SSH1: variants seen among roughly 807,000 people sequenced by gnomAD.
SSH1 encodes protein phosphatase Slingshot homolog 1.
Under a neutral mutation model 79.7 loss-of-function variants are expected in SSH1, and 43 were observed. The observed-to-expected ratio is 0.54, with a 90% CI of 0.42 to 0.70. SSH1 has a LOEUF of 0.70. SSH1 is among the 30% of genes least tolerant of loss of function. SSH1 has a pLI of 0.00. For synonymous variants in SSH1, 599 were observed against 538.3 expected, an observed-to-expected ratio of 1.11 and a Z score of -1.56; for missense variants, 1,206 against 1,358.8, an observed-to-expected ratio of 0.89 and a Z score of 1.77.
Position 108,778,812 on chromosome 12 carries a change from T to C in SSH1, c.*9176A>G, listed in dbSNP as rs1288448135. The C allele has an allele frequency of 1.3e-5, 2 of 152,572 alleles. No homozygotes were observed. Among genetic ancestry groups the C allele is most frequent in the African/African-American group, 4.8e-5 (2 of 41,418 alleles). 9.5% of individuals were successfully genotyped at this position (152,572 alleles called of 1,614,324 possible). A position where few individuals can be genotyped will look rare whatever the true frequency, so the allele number is the denominator to read the frequency against. On this transcript the variant is annotated 3_prime_UTR_variant, in exon 15 of 15. Transcript: ENST00000326495. ...ATTTGTCTTTTTAAAATCTTTTATT[T>C]TTATTTGTTTTTGAGACACGGTCTT...
rs1352773038 is a variant in SSH1 at position 108,792,372 on chromosome 12, GCCC to G, written c.1804_1806del (p.Gly602del). On this transcript the variant is annotated inframe_deletion, in exon 14 of 15. Coordinates refer to ENST00000326495, the MANE Select transcript of SSH1 (RefSeq NM_018984.4). ...TTTTGATCGAGCTGGGTTGGAAGCTGCCCCCACCTCCCTGCTCCCAGGCCCTCC... is the reference window on the plus strand; with the variant it reads ...TTTTGATCGAGCTGGGTTGGAAGCTGCCACCTCCCTGCTCCCAGGCCCTCC... 3 of 1,614,060 alleles carry G rather than the reference GCCC, an allele frequency of 1.9e-6. No homozygotes were observed. The highest frequency in any genetic ancestry group is 1.7e-5 in the Admixed American group (1 of 60,004).
At chr12:108,855,294 T>C (rs938784047) in intron 1 of SSH1, among the ~76,000 whole-genome samples, 14 of 152,078 alleles carry the variant, frequency 9.2e-5, no homozygotes, top group Admixed American at 7.2e-4. Context: ...AGCAAATCCA[T>C]AGATACAGAA....
At chr12:108,848,190 G>A in intron 2 of SSH1, among the ~76,000 whole-genome samples, 1 of 152,142 alleles carries the variant, frequency 6.6e-6, no homozygotes, top group East Asian at 1.9e-4. Flanking sequence ...TGGGTCTGAG[G>A]TGTTCCTCTG....
At chr12:108,809,594 C>T (rs1821091000) in intron 7 of SSH1, 99 bp downstream of exon 7, 1 of 1,004,942 alleles carries the variant, frequency 1.0e-6, no homozygotes, top group Non-Finnish European at 1.6e-6. Context: ...TCAACATGCA[C>T]ATACGTAACG....
At position 108,780,217 on chromosome 12, in the gene SSH1, G is replaced by A. The variant is rs775346696; in HGVS notation, c.*7771C>T. 6.6e-6 allele frequency: 1 copy of A among 152,100 alleles called. No homozygotes were observed. The highest frequency in any genetic ancestry group is 2.4e-5 in the African/African-American group (1 of 41,380). The allele number at this position is 152,100 out of a possible 1,614,324, so 9.4% of individuals were successfully genotyped here. On this transcript the variant is annotated 3_prime_UTR_variant, in exon 15 of 15. Coordinates refer to ENST00000326495, the MANE Select transcript of SSH1 (RefSeq NM_018984.4). ...CTGTGCTGCCTTTGGAGCCTCTCCC[G>A]AACATCTTGCCAAGAGGGGGTTCCC...
intron 8 of SSH1, among the ~76,000 whole-genome samples, chr12:108,806,807 C>T (rs986322193): frequency 2.6e-5 from 4 of 152,176 alleles, no homozygotes; most frequent in African/African-American, 9.6e-5. Context: ...TCCTCAGAAT[C>T]AAAATCTGGG....
chr12:108,819,001 G>C (rs777533777), intron 3 of SSH1, among the ~76,000 whole-genome samples: 1 of 152,038 alleles, frequency 6.6e-6, no homozygotes, highest in Non-Finnish European at 1.5e-5. Context: ...TGATCTGCAC[G>C]CCTCAGCCTC....
At chr12:108,793,218 G>A (rs2036593260) in intron 13 of SSH1, among the ~76,000 whole-genome samples, 1 of 152,098 alleles carries the variant, frequency 6.6e-6, no homozygotes, top group Non-Finnish European at 1.5e-5. Context: ...TATATTGTAG[G>A]GAAATGAAGG....
At chr12:108,820,489 CCT>C (rs1401782736) in intron 3 of SSH1, among the ~76,000 whole-genome samples, 4 of 152,298 alleles carry the variant, frequency 2.6e-5, no homozygotes, top group Admixed American at 6.5e-5. Flanking sequence ...AAAACAAACC[CCT>C]GTCTGATAAA....
chr12:108,809,758 A>G lies in SSH1; in HGVS notation c.471T>C (p.Gly157=). The G allele has an allele frequency of 6.2e-7, 1 of 1,613,692 alleles. No individual in the cohort carries two copies. The highest frequency in any genetic ancestry group is 8.5e-7 in the Non-Finnish European group (1 of 1,179,626). The change falls in exon 7 of 15, where the codon GGT becomes GGC. Residue 157 remains glycine, a splice_region_variant and synonymous_variant. Coordinates refer to ENST00000326495, the MANE Select transcript of SSH1 (RefSeq NM_018984.4). ...SDTKIHLDGD[G]GFSVSTAGRM... is the part of the protein sequence containing the mutation. ...TTCCTGCTGTGCTCACGCTGAACCC[A>G]CTGAGAATAAAACACAGAGAGAAAG...
Position 108,800,818 on chromosome 12 carries a change from G to A in SSH1, c.1110C>T (p.Ala370=). The change falls in exon 12 of 15, where the codon GCC becomes GCT. Residue 370 remains alanine (A), a synonymous_variant. Coordinates refer to ENST00000326495, the MANE Select transcript of SSH1 (RefSeq NM_018984.4). The stretch of plus-strand genomic sequence containing the variant: ...TAAAATGATACGCTTCATTCCAGTG[G>A]GCGAGGAGGTCTGTGGTCTCTTCAT... The part of the protein sequence containing the change: ...VYDEETTDLL[A]HWNEAYHFIN... 6.2e-7 allele frequency: 1 copy of A among 1,614,128 alleles called. No homozygotes were observed. Among genetic ancestry groups the A allele is most frequent in the Non-Finnish European group, 8.5e-7 (1 of 1,180,024 alleles).
At chr12:108,801,223 TTATAAC>T (rs2036987929) in intron 11 of SSH1, among the ~76,000 whole-genome samples, 1 of 152,196 alleles carries the variant, frequency 6.6e-6, no homozygotes. Context: ...TTACTTAAAT[TTATAAC>T]TATTCATGAC....
intron 2 of SSH1, among the ~76,000 whole-genome samples, chr12:108,840,114 C>A (rs938289060): frequency 4.6e-5 from 7 of 152,224 alleles, no homozygotes; most frequent in African/African-American, 1.7e-4. Flanking sequence ...TCTGCCCCCA[C>A]ACTGCAGGCT....
chr12:108,805,146 C>G lies in SSH1; in HGVS notation c.864G>C (p.Leu288Phe), dbSNP rs2037211371. ...NELEKQMNCN[L>F]KELKEFIDNE... ...TGTCTATAAATTCCTTGAGTTCCTT[C>G]AAGTTACAATTCATCTGTTTCTCTA... The change falls in exon 10 of 15, where the codon TTG (leucine) becomes TTC (phenylalanine). Residue 288 changes from leucine (L) to phenylalanine (F), a missense_variant. Around this residue, in one of 5 missense-constraint regions of SSH1, gnomAD observed 166 missense variants for 262.9 expected, o/e 0.63. Coordinates refer to ENST00000326495, the MANE Select transcript of SSH1 (RefSeq NM_018984.4). 1 of 1,613,640 alleles carries G rather than the reference C, an allele frequency of 6.2e-7. No homozygotes were observed.
At chr12:108,836,694 T>C (rs766087763) in intron 2 of SSH1, among the ~76,000 whole-genome samples, 1 of 152,150 alleles carries the variant, frequency 6.6e-6, no homozygotes, top group Non-Finnish European at 1.5e-5. Flanking sequence ...TTCTGAATGA[T>C]GAAGGGGAAA....
In SSH1 at chr12:108,792,345, G is replaced by A. The variant is rs1186963335; in HGVS notation, c.1834C>T (p.Leu612=). The part of the protein sequence containing the change: ...GQLPTQLDQN[L]LNSENLNNNS... ...TTGTTTAGGTTCTCCGAGTTGAGCA[G>A]GTTTTGATCGAGCTGGGTTGGAAGC... is the stretch of plus-strand genomic sequence containing the variant. The change falls in exon 14 of 15, where the codon CTG becomes TTG. Residue 612 remains leucine (L), a synonymous_variant. Coordinates refer to ENST00000326495, the MANE Select transcript of SSH1 (RefSeq NM_018984.4). 6.2e-7 allele frequency: 1 copy of A among 1,614,190 alleles called. No individual in the cohort carries two copies.
In SSH1 at chr12:108,807,546, C is replaced by T; in HGVS notation, c.731+87G>A. 1.5e-6 allele frequency: 2 copies of T among 1,332,070 alleles called. No individual in the cohort carries two copies. The highest frequency in any genetic ancestry group is 2.1e-6 in the Non-Finnish European group (2 of 935,624). The allele number at this position is 1,332,070 out of a possible 1,614,324, so 82.5% of individuals were successfully genotyped here. A position where few individuals can be genotyped will look rare whatever the true frequency, so the allele number is the denominator to read the frequency against. The stretch of plus-strand genomic sequence containing the variant: ...ACTCCAGGGGAGGTGTGGCCCAATG[C>T]AGGTTCAGGGTCGGGCACAGGGCAG... On this transcript the variant is annotated intron_variant, in intron 8 of 14. Coordinates refer to ENST00000326495, the MANE Select transcript of SSH1 (RefSeq NM_018984.4). This position sits in a 1 kb window ranked among gnomAD's most constrained non-coding sequence, Gnocchi z 5.2.
intron 13 of SSH1, among the ~76,000 whole-genome samples, chr12:108,797,335 G>A (rs750426273): frequency 2.4e-4 from 37 of 151,518 alleles, no homozygotes; most frequent in Non-Finnish European, 1.9e-4. Flanking sequence ...TCAGCATGTT[G>A]CCAATGACAG....
Position 108,792,534 on chromosome 12 carries a change from C to G in SSH1, c.1645G>C (p.Glu549Gln). ...ALLEEAAPPAEVHRPARQPQQ... is the reference protein window; with the variant it reads ...ALLEEAAPPAQVHRPARQPQQ... Reference sequence around the variant, plus strand: ...GGCTGTCTGGCCGGCCTGTGCACCTCTGCAGGTGGAGCAGCTTCCTCCAAC... The same window carrying G: ...GGCTGTCTGGCCGGCCTGTGCACCTGTGCAGGTGGAGCAGCTTCCTCCAAC... The change falls in exon 14 of 15, where the codon GAG becomes CAG. Residue 549 changes from glutamate (E) to glutamine (Q), a missense_variant. Glu to Gln is a conservative substitution (Grantham distance 29). This residue lies in a region of SSH1 where 709 missense variants were observed against 730.6 expected (regional missense o/e 0.97). Coordinates refer to ENST00000326495, the MANE Select transcript of SSH1 (RefSeq NM_018984.4). 2 of 1,614,188 alleles carry G rather than the reference C, an allele frequency of 1.2e-6. No homozygotes were observed. The highest frequency in any genetic ancestry group is 1.7e-6 in the Non-Finnish European group (2 of 1,180,028).
Sources: allele counts gnomAD v4.1 joint callset (sites outside exome capture counted in the v4.1 genomes callset), GRCh38; gene constraint gnomAD v4.1.1; regional missense constraint gnomAD v4.1.1; non-coding constraint Gnocchi (gnomAD v3.1); transcripts MANE v1.5; gene names NCBI Gene and HGNC (gene_info 2026-07-23, HGNC 2026-07-21).